HS3ST4: variants seen among roughly 807,000 people sequenced by gnomAD.
HS3ST4 encodes the protein heparan sulfate-glucosamine 3-sulfotransferase 4, also known as heparan sulfate glucosamine 3-O-sulfotransferase 4.
Under a neutral mutation model 29.2 loss-of-function variants are expected in HS3ST4, and 17 were observed. That is an observed-to-expected ratio of 0.58 (90% CI 0.40 to 0.87). HS3ST4 has a LOEUF of 0.87. Ranked by LOEUF, HS3ST4 falls within the 40% of genes least tolerant of loss-of-function variation. HS3ST4 has a pLI of 0.00. For synonymous variants in HS3ST4, 314 were observed against 285.7 expected (o/e 1.10, Z -1.00); for missense variants, 627 against 634.5 (o/e 0.99, Z 0.13).
chr16:25,894,826 G>A (rs1399712108), intron 1 of HS3ST4, among the ~76,000 whole-genome samples: 3 of 152,106 alleles, frequency 2.0e-5, no homozygotes, highest in Admixed American at 6.6e-5. Flanking sequence ...ATTTGTAAGA[G>A]TCAAGTTGGT....
At chr16:25,977,648 A>G (rs868474696) in intron 1 of HS3ST4, among the ~76,000 whole-genome samples, 3 of 152,214 alleles carry the variant, frequency 2.0e-5, no homozygotes, top group Non-Finnish European at 4.4e-5. Flanking sequence ...CAAACATAAC[A>G]CTATTAACAC....
intron 1 of HS3ST4, among the ~76,000 whole-genome samples, chr16:25,975,564 T>TA (rs898950698): frequency 1.3e-5 from 2 of 152,156 alleles, no homozygotes; most frequent in South Asian, 4.2e-4. Flanking sequence ...AGGTTGAAAT[T>TA]AAAAAAAGAA....
At chr16:25,700,240 C>G (rs1448436390) in intron 1 of HS3ST4, among the ~76,000 whole-genome samples, 1 of 152,160 alleles carries the variant, frequency 6.6e-6, no homozygotes, top group Non-Finnish European at 1.5e-5. Flanking sequence ...GAATTCTCCA[C>G]AAAAGAAATG....
chr16:26,088,315 T>C (rs548319640), intron 1 of HS3ST4, among the ~76,000 whole-genome samples: 1 of 152,218 alleles, frequency 6.6e-6, no homozygotes, highest in African/African-American at 2.4e-5. Context: ...TTTTATGTGA[T>C]GATGTTTTGT....
intron 1 of HS3ST4, among the ~76,000 whole-genome samples, chr16:26,104,809 A>G (rs1049634603): frequency 6.6e-6 from 1 of 152,162 alleles, no homozygotes; most frequent in Non-Finnish European, 1.5e-5. Context: ...TGGCAGCTCT[A>G]GTCTTCCTTT....
chr16:25,953,764 G>C (rs1968702861), intron 1 of HS3ST4, among the ~76,000 whole-genome samples: 1 of 152,218 alleles, frequency 6.6e-6, no homozygotes, highest in South Asian at 2.1e-4. Context: ...GGAAGGGAAG[G>C]ATGCCAATTC....
intron 1 of HS3ST4, among the ~76,000 whole-genome samples, chr16:25,795,564 G>T (rs1471287119): frequency 6.6e-6 from 1 of 152,102 alleles, no homozygotes. Context: ...AGAGTCAATC[G>T]TGAGTCTCTT....
At chr16:25,863,328 G>A (rs375345941) in intron 1 of HS3ST4, among the ~76,000 whole-genome samples, 17 of 152,168 alleles carry the variant, frequency 1.1e-4, no homozygotes, top group African/African-American at 2.6e-4. Context: ...TGATCTGCCC[G>A]CTTCAGCCTC....
intron 1 of HS3ST4, among the ~76,000 whole-genome samples, chr16:25,737,635 A>C (rs776753139): frequency 2.6e-4 from 39 of 152,314 alleles, no homozygotes; most frequent in Non-Finnish European, 5.0e-4. Flanking sequence ...TACTGGGTAC[A>C]ATGTACATTA....
intron 1 of HS3ST4, among the ~76,000 whole-genome samples, chr16:25,906,471 T>C (rs1378993765): frequency 6.6e-6 from 1 of 152,156 alleles, no homozygotes; most frequent in Non-Finnish European, 1.5e-5. Context: ...AATTCCAGGA[T>C]CCAGGATGCT....
At chr16:25,804,928 G>A (rs1285420523) in intron 1 of HS3ST4, among the ~76,000 whole-genome samples, 1 of 152,022 alleles carries the variant, frequency 6.6e-6, no homozygotes, top group Non-Finnish European at 1.5e-5. Flanking sequence ...TGTTATTACA[G>A]TATTTTCTCA....
At position 25,939,570 on chromosome 16, in the gene HS3ST4, C is replaced by T. The variant is rs563037278; in HGVS notation, c.735-196042C>T. Among the ~76,000 whole-genome samples the T allele has an allele frequency of 5.9e-5, 9 of 152,168 alleles. No homozygotes were observed. The South Asian group carries it at 8.3e-4, about 14-fold the overall frequency. On this transcript the variant is annotated intron_variant, in intron 1 of 1. Coordinates refer to ENST00000331351, the MANE Select transcript of HS3ST4 (RefSeq NM_006040.3). ...ATCAGGCTGGTCTGGAACTCCCAAC[C>T]TCAGATGATCCGCCCACCTCAGTCT...
At chr16:25,811,912 G>A (rs1311195608) in intron 1 of HS3ST4, among the ~76,000 whole-genome samples, 2 of 152,066 alleles carry the variant, frequency 1.3e-5, no homozygotes, top group Non-Finnish European at 2.9e-5. Flanking sequence ...CTGTGTGTGG[G>A]GTTGGCGCCC....
chr16:25,864,974 TCA>T (rs1175834774), intron 1 of HS3ST4, among the ~76,000 whole-genome samples: 2 of 139,550 alleles, frequency 1.4e-5, no homozygotes, highest in African/African-American at 2.8e-5. Context: ...ACACACATAC[TCA>T]CACACACATA....
intron 1 of HS3ST4, among the ~76,000 whole-genome samples, chr16:26,067,976 A>G (rs1049081017): frequency 6.6e-6 from 1 of 152,192 alleles, no homozygotes; most frequent in African/African-American, 2.4e-5. Flanking sequence ...GTGAGTCACA[A>G]TTGAAGCTCT....
At chr16:26,120,132 A>G (rs915970242) in intron 1 of HS3ST4, among the ~76,000 whole-genome samples, 2 of 151,964 alleles carry the variant, frequency 1.3e-5, no homozygotes, top group Non-Finnish European at 2.9e-5. Flanking sequence ...ATTAGCATGC[A>G]TGAATGCCTG....
chr16:25,842,358 A>G (rs1967424073), intron 1 of HS3ST4, among the ~76,000 whole-genome samples: 1 of 152,250 alleles, frequency 6.6e-6, no homozygotes, highest in Non-Finnish European at 1.5e-5. Flanking sequence ...TAACTGACAC[A>G]GTCAAACAAC....
At chr16:25,893,061 G>A (rs1968025476) in intron 1 of HS3ST4, among the ~76,000 whole-genome samples, 1 of 152,260 alleles carries the variant, frequency 6.6e-6, no homozygotes, top group South Asian at 2.1e-4. Context: ...GTGTGAAGGC[G>A]CAGGTGGAGG....
intron 1 of HS3ST4, among the ~76,000 whole-genome samples, chr16:25,874,363 G>T (rs942725869): frequency 1.3e-5 from 2 of 152,112 alleles, no homozygotes; most frequent in Non-Finnish European, 2.9e-5. Flanking sequence ...GGGTTAAGTG[G>T]TTTGCTCCAA....
Sources: gnomAD v4.1 joint callset for allele counts (sites outside exome capture counted in the v4.1 genomes callset) on GRCh38, gnomAD v4.1.1 for gene constraint, MANE v1.5 for transcripts, NCBI Gene and HGNC (gene_info 2026-07-23, HGNC 2026-07-21) for gene names.